AP2A1: variants seen among roughly 807,000 people sequenced by gnomAD.
The protein encoded by AP2A1 is adaptor related protein complex 2 subunit alpha 1.
A neutral mutation model predicts 107.3 loss-of-function variants in AP2A1; 21 were observed. The ratio of observed to expected loss-of-function variants is 0.20; its 90% CI spans 0.14 to 0.28. AP2A1 has a LOEUF of 0.28. Ranked by LOEUF, AP2A1 falls within the 10% of genes least tolerant of loss-of-function variation. AP2A1 has a pLI of 1.00. For missense variants in AP2A1, 873 were observed against 1,307.7 expected (o/e 0.67, Z 5.13); for synonymous variants, 602 against 564.8 (o/e 1.07, Z -0.93).
In AP2A1 at chr19:49,805,299, T is replaced by C. The variant is rs2073349960; in HGVS notation, c.2345-154T>C. ...CTCAGAGGTTTCCATAGTATGAACT[T>C]TGTAGTTGAACCTTGTAGGATTGAG... is the stretch of plus-strand genomic sequence containing the variant. On this transcript the variant is annotated intron_variant, in intron 18 of 22. Coordinates refer to ENST00000354293, the MANE Select transcript of AP2A1 (RefSeq NM_130787.3). 5.5e-6 allele frequency: 5 copies of C among 905,156 alleles called. No homozygotes were observed. The East Asian group carries it at 1.4e-4, about 25-fold the overall frequency. The allele number at this position is 905,156 out of a possible 1,614,324, so 56.1% of individuals were successfully genotyped here. A position where few individuals can be genotyped will look rare whatever the true frequency, so the allele number is the denominator to read the frequency against.
chr19:49,769,005 T>C (rs142495012), intron 1 of AP2A1, among the ~76,000 whole-genome samples: 80 of 152,270 alleles, frequency 5.3e-4, no homozygotes, highest in African/African-American at 1.7e-3. Flanking sequence ...ATCCCAGCAC[T>C]TTGGGGGGCC....
chr19:49,800,717 C>T (rs922066029), intron 11 of AP2A1: 2 of 415,728 alleles, frequency 4.8e-6, no homozygotes, highest in South Asian at 3.0e-5. Context: ...GCAATCTGCC[C>T]GCCTCGGCCT....
intron 7 of AP2A1, among the ~76,000 whole-genome samples, chr19:49,798,289 C>T (rs1346721273): frequency 6.6e-6 from 1 of 152,156 alleles, no homozygotes; most frequent in East Asian, 1.9e-4. Context: ...TCTCCTTTGG[C>T]CTCCCAGCCT....
rs2073364206 is a variant in AP2A1, at chr19:49,805,694, G to C, written c.2502G>C (p.Lys834Asn). ...GCGCCCCCCAGGCCCTCACCCTGAAGCTCCCAGTGACCATCAACAAGTTCT... is the reference window on the plus strand; with the variant it reads ...GCGCCCCCCAGGCCCTCACCCTGAACCTCCCAGTGACCATCAACAAGTTCT... ...YGGAPQALTL[K>N]LPVTINKFFQ... The change falls in exon 20 of 23, where the codon AAG (lysine) becomes AAC (asparagine). Residue 834 changes from lysine to asparagine, a missense_variant. By Grantham distance (94) the Lys-to-Asn change is moderately conservative. Coordinates refer to ENST00000354293, the MANE Select transcript of AP2A1 (RefSeq NM_130787.3). 6.4e-7 allele frequency: 1 copy of C among 1,568,652 alleles called. No individual in the cohort carries two copies.
chr19:49,805,616 G>T, intron 19 of AP2A1, 40 bp downstream of exon 19: 1 of 1,555,526 alleles, frequency 6.4e-7, no homozygotes, highest in South Asian at 1.2e-5. Context: ...GGAGCCTCCG[G>T]GGTGAGGGGC....
chr19:49,802,607 G>T (rs1272460269), intron 15 of AP2A1: 2 of 1,584,346 alleles, frequency 1.3e-6, no homozygotes, highest in South Asian at 1.1e-5. Flanking sequence ...TGAGTAAGGG[G>T]TGGCCTGGGG....
chr19:49,802,388 C>A, intron 15 of AP2A1: 2 of 952,154 alleles, frequency 2.1e-6, no homozygotes, highest in East Asian at 5.2e-5. Context: ...GTCACCGTTT[C>A]TCAGCCTGCT....
Position 49,793,008 on chromosome 19 carries a change from C to T in AP2A1, c.621C>T (p.Ala207=), listed in dbSNP as rs759631661. ...NDQHMGVVTA[A]VSLITCLCKK... ...CCCTGCAGGGTGTGGTCACGGCCGC[C>T]GTCAGCCTCATCACCTGTCTCTGCA... Residue 207 remains alanine (A), a synonymous_variant, in exon 6 of 23, where the codon GCC becomes GCT. Coordinates refer to ENST00000354293, the MANE Select transcript of AP2A1 (RefSeq NM_130787.3). 7.9e-5 allele frequency: 127 copies of T among 1,606,352 alleles called. 1 individual carries two copies. In the Admixed American group the frequency reaches 1.7e-3, roughly 21 times the overall value.
At chr19:49,792,420 C>T (rs1008452601) in intron 5 of AP2A1, among the ~76,000 whole-genome samples, 3 of 151,878 alleles carry the variant, frequency 2.0e-5, no homozygotes, top group Non-Finnish European at 4.4e-5. Context: ...CAGCCCTGAT[C>T]CCCCTGGATT....
At chr19:49,791,818 G>C (rs949213118) in intron 4 of AP2A1, 117 bp from the exon 5 acceptor site, 2 of 1,368,504 alleles carry the variant, frequency 1.5e-6, no homozygotes, top group Non-Finnish European at 2.0e-6. Flanking sequence ...CCGCCTGGCT[G>C]TCTGTCCCTC....
At chr19:49,774,850 T>TGGA (rs1820708813) in intron 1 of AP2A1, among the ~76,000 whole-genome samples, 2 of 147,604 alleles carry the variant, frequency 1.4e-5, no homozygotes, top group African/African-American at 5.0e-5. Flanking sequence ...ACCCAGGAGG[T>TGGA]GGAGGTTGCA....
chr19:49,781,682 C>A, intron 1 of AP2A1, 75 bp from the exon 2 acceptor site: 2 of 1,442,850 alleles, frequency 1.4e-6, no homozygotes, highest in Non-Finnish European at 1.9e-6. Flanking sequence ...CTGGGTGGGG[C>A]CGCGCCTAGG....
rs773003101 is a variant in AP2A1 at position 49,801,864 on chromosome 19, G to C, written c.1928G>C (p.Gly643Ala). 1.3e-6 allele frequency: 2 copies of C among 1,501,428 alleles called. No individual in the cohort carries two copies. Among genetic ancestry groups the C allele is most frequent in the South Asian group, 2.7e-5 (2 of 74,192 alleles). The allele number at this position is 1,501,428 out of a possible 1,614,324, so 93.0% of individuals were successfully genotyped here. A position where few individuals can be genotyped will look rare whatever the true frequency, so the allele number is the denominator to read the frequency against. ...CCCAGCAGCAACGACATCAACGGGG[G>C]CATGGAGCCCACCCCCAGCACTGTG... ...RDPSSNDING[G>A]MEPTPSTVST... Residue 643 changes from glycine (G) to alanine (A), a missense_variant, in exon 14 of 23, where the codon GGC (glycine) becomes GCC (alanine). Gly to Ala is a moderately conservative substitution (Grantham distance 60). Coordinates refer to ENST00000354293, the MANE Select transcript of AP2A1 (RefSeq NM_130787.3).
intron 5 of AP2A1, 128 bp downstream of exon 5, chr19:49,792,192 C>G (rs542491126): frequency 7.0e-6 from 7 of 993,756 alleles, no homozygotes; most frequent in Non-Finnish European, 1.0e-5. Context: ...CCTCAGCCCA[C>G]GCACCCCCTG....
In AP2A1 at chr19:49,806,238, C is replaced by G. The variant is rs752834630; in HGVS notation, c.2775C>G (p.Pro925=). 6 of 1,607,602 alleles carry G rather than the reference C, an allele frequency of 3.7e-6. No individual in the cohort carries two copies. Among genetic ancestry groups the G allele is most frequent in the Non-Finnish European group, 4.2e-6 (5 of 1,177,426 alleles). Residue 925 remains proline, a synonymous_variant, in exon 22 of 23, where the codon CCC becomes CCG. Transcript: ENST00000354293. ...LQVGCLLRLE[P]NAQAQMYRLT... Reference sequence around the variant, plus strand: ...TGGGCTGTCTGCTTCGGCTGGAGCCCAATGCCCAGGCCCAGGTGAGTGCTG... The same window carrying G: ...TGGGCTGTCTGCTTCGGCTGGAGCCGAATGCCCAGGCCCAGGTGAGTGCTG...
intron 6 of AP2A1, among the ~76,000 whole-genome samples, chr19:49,793,784 G>A (rs954929115): frequency 1.3e-5 from 2 of 151,936 alleles, no homozygotes; most frequent in Non-Finnish European, 2.9e-5. Context: ...TGGGGGCGGC[G>A]ATCCCAGAAT....
At chr19:49,802,380 C>T in intron 15 of AP2A1, 1 of 918,926 alleles carries the variant, frequency 1.1e-6, no homozygotes, top group South Asian at 1.4e-5. Flanking sequence ...CCTTTCCTGT[C>T]ACCGTTTCTC....
At chr19:49,801,269 A>G (rs1600242055) in intron 12 of AP2A1, 121 bp from the exon 13 acceptor site, 3 of 1,087,232 alleles carry the variant, frequency 2.8e-6, no homozygotes, top group African/African-American at 3.1e-5. Flanking sequence ...GGGGAGGGCC[A>G]CTCCCCTCCA....
intron 18 of AP2A1, 87 bp from the exon 19 acceptor site, chr19:49,805,353 AGACCTGCAGGCGG>A: frequency 7.4e-7 from 1 of 1,351,336 alleles, no homozygotes; most frequent in Non-Finnish European, 9.8e-7. Context: ...GGTCCCTCAA[AGACCTGCAGGCGG>A]GAGCTGCCGG....
Sources: allele counts gnomAD v4.1 joint callset (sites outside exome capture counted in the v4.1 genomes callset), GRCh38; gene constraint gnomAD v4.1.1; transcripts MANE v1.5; gene names NCBI Gene and HGNC (gene_info 2026-07-23, HGNC 2026-07-21).